Variants in MRPS27 observed in about 807,000 individuals in gnomAD.
MRPS27 encodes the protein small ribosomal subunit protein mS27.
MRPS27 carries 43 observed loss-of-function variants against 48.9 expected under a neutral mutation model. The ratio of observed to expected loss-of-function variants is 0.88; its 90% CI spans 0.69 to 1.13. The LOEUF (loss-of-function observed/expected upper bound fraction) is 1.13. Among genes scored for constraint, MRPS27 ranks in the 50% most tolerant of loss-of-function variants. The pLI is 0.00. For missense variants in MRPS27, 467 were observed against 476.3 expected (o/e 0.98, Z 0.18); for synonymous variants, 188 against 171.9 (o/e 1.09, Z -0.73).
chr5:72,248,154 C>T (rs1580068672), intron 4 of MRPS27, among the ~76,000 whole-genome samples: 1 of 152,152 alleles, frequency 6.6e-6, no homozygotes, highest in East Asian at 1.9e-4. Context: ...TCAAGCTAGT[C>T]TCTCATACCA....
rs374522059 is a variant in MRPS27 at position 72,297,741 on chromosome 5, T to C, written c.152-39A>G. The C allele has an allele frequency of 1.1e-4, 154 of 1,371,766 alleles. 1 individual carries two copies. The African/African-American group carries it at 2.1e-3, about 18-fold the overall frequency. 85.0% of individuals were successfully genotyped at this position (1,371,766 alleles called of 1,614,324 possible). On this transcript the variant is annotated intron_variant, in intron 2 of 10. Coordinates refer to ENST00000261413, the MANE Select transcript of MRPS27 (RefSeq NM_015084.3). ...AAAAGAAAAAAAACCTTGTTAAAGATACATATTTTTTTACAATTCTTGCCA... is the reference window on the plus strand; with the variant it reads ...AAAAGAAAAAAAACCTTGTTAAAGACACATATTTTTTTACAATTCTTGCCA...
rs114892794 is a variant in MRPS27, at chr5:72,287,601, C to T, written c.281+7930G>A. On this transcript the variant is annotated intron_variant, in intron 4 of 10. Coordinates refer to ENST00000261413, the MANE Select transcript of MRPS27 (RefSeq NM_015084.3). ...CTGCAGTGAGCCAAGATCGTGCTAC[C>T]GCACTCCAGCCTGCATGACAGAGAC... is the stretch of plus-strand genomic sequence containing the variant. Among the ~76,000 whole-genome samples, 623 of 152,228 alleles carry T rather than the reference C, an allele frequency of 4.1e-3. 5 individuals carry two copies. The highest frequency in any genetic ancestry group is 0.014 in the African/African-American group (602 of 41,544).
At chr5:72,231,759 G>A (rs1392773783) in intron 7 of MRPS27, among the ~76,000 whole-genome samples, 1 of 152,134 alleles carries the variant, frequency 6.6e-6, no homozygotes, top group Admixed American at 6.5e-5. Context: ...GTTAAGGGCA[G>A]ATGGCAGAGG....
chr5:72,275,546 G>T (rs1219185754), intron 4 of MRPS27, among the ~76,000 whole-genome samples: 1 of 152,096 alleles, frequency 6.6e-6, no homozygotes, highest in Non-Finnish European at 1.5e-5. Context: ...AATTCATATG[G>T]AACCCAAAAA....
intron 4 of MRPS27, among the ~76,000 whole-genome samples, chr5:72,294,267 T>C (rs1749918213): frequency 6.6e-6 from 1 of 151,194 alleles, no homozygotes; most frequent in South Asian, 2.1e-4. Flanking sequence ...TACAGTAAGC[T>C]TTAAAAAATG....
intron 2 of MRPS27, among the ~76,000 whole-genome samples, chr5:72,304,354 T>C (rs1169253189): frequency 6.6e-6 from 1 of 152,154 alleles, no homozygotes; most frequent in East Asian, 1.9e-4. Context: ...CCAATTATAT[T>C]GGTAATCATG....
At chr5:72,235,919 G>A (rs1211773843) in intron 5 of MRPS27, among the ~76,000 whole-genome samples, 2 of 152,128 alleles carry the variant, frequency 1.3e-5, no homozygotes, top group East Asian at 1.9e-4. Context: ...TAGGATTTAT[G>A]GCCCTTGGTT....
intron 2 of MRPS27, chr5:72,308,047 A>C (rs1317577672): frequency 6.6e-6 from 1 of 152,202 alleles, no homozygotes; most frequent in Non-Finnish European, 1.5e-5. Flanking sequence ...GGCTGCTGAG[A>C]GCGCGGAACG....
At position 72,281,202 on chromosome 5, in the gene MRPS27, A is replaced by G. The variant is rs547197975; in HGVS notation, c.281+14329T>C. Among the ~76,000 whole-genome samples, 4 of 152,342 alleles carry G rather than the reference A, an allele frequency of 2.6e-5. No homozygotes were observed. In the South Asian group the frequency reaches 8.3e-4, roughly 32 times the overall value. ...GATGTTACAATCTAGTATAGTCAAC[A>G]TTAAAGCTAAATTTTATTGAGCACT... On this transcript the variant is annotated intron_variant, in intron 4 of 10. Coordinates refer to ENST00000261413, the MANE Select transcript of MRPS27 (RefSeq NM_015084.3).
intron 2 of MRPS27, among the ~76,000 whole-genome samples, chr5:72,299,386 C>A (rs1750071516): frequency 6.6e-6 from 1 of 151,306 alleles, no homozygotes. Flanking sequence ...TGGAAGGAGA[C>A]ACAAGCAAGT....
chr5:72,221,549 A>C (rs1747742261), intron 10 of MRPS27, among the ~76,000 whole-genome samples: 2 of 152,206 alleles, frequency 1.3e-5, no homozygotes, highest in South Asian at 4.1e-4. Context: ...TAACAAATCT[A>C]TGTTTCCACC....
At chr5:72,309,475 G>A (rs1189677442) in intron 2 of MRPS27, among the ~76,000 whole-genome samples, 6 of 152,090 alleles carry the variant, frequency 3.9e-5, no homozygotes, top group Non-Finnish European at 8.8e-5. Context: ...TGTTGTCCAG[G>A]CTGGTCTTGA....
In MRPS27 at chr5:72,284,429, T is replaced by TA. The variant is rs780830271; in HGVS notation, c.281+11101dup. On this transcript the variant is annotated intron_variant, in intron 4 of 10. Coordinates refer to ENST00000261413, the MANE Select transcript of MRPS27 (RefSeq NM_015084.3). ...ACAGAGTGAGACCCTGTCTTTAAAT[T>TA]AAAAAAAAAAAAAAAATTTGGTTAA... Among the ~76,000 whole-genome samples the TA allele has an allele frequency of 7.6e-3, 1,029 of 135,074 alleles. 15 individuals carry two copies. Among genetic ancestry groups the TA allele is most frequent in the African/African-American group, 0.023 (834 of 36,762 alleles). The allele number at this position is 135,074 out of a possible 152,430, so 88.6% of individuals were successfully genotyped here. A position where few individuals can be genotyped will look rare whatever the true frequency, so the allele number is the denominator to read the frequency against.
intron 1 of MRPS27, chr5:72,314,790 C>T (rs574030377): frequency 6.6e-6 from 1 of 152,326 alleles, no homozygotes; most frequent in African/African-American, 2.4e-5. Flanking sequence ...CCTAGAACAC[C>T]TTCTTAGAAC....
intron 4 of MRPS27, among the ~76,000 whole-genome samples, chr5:72,256,943 T>C (rs1042139424): frequency 2.0e-5 from 3 of 152,180 alleles, no homozygotes; most frequent in Admixed American, 6.5e-5. Context: ...AGACGTGCCA[T>C]TCTTAGTAAG....
At chr5:72,238,338 A>T (rs1426182185) in intron 4 of MRPS27, among the ~76,000 whole-genome samples, 1 of 152,146 alleles carries the variant, frequency 6.6e-6, no homozygotes, top group Non-Finnish European at 1.5e-5. Flanking sequence ...ATAACAAAAA[A>T]TTTTACAAAA....
At chr5:72,286,737 T>G (rs558326595) in intron 4 of MRPS27, among the ~76,000 whole-genome samples, 29 of 152,242 alleles carry the variant, frequency 1.9e-4, no homozygotes, top group Non-Finnish European at 2.9e-4. Context: ...TGCTGTTAGC[T>G]GAGCTGTCCT....
chr5:72,225,730 C>A (rs999208937), intron 9 of MRPS27, among the ~76,000 whole-genome samples: 1 of 151,906 alleles, frequency 6.6e-6, no homozygotes, highest in Non-Finnish European at 1.5e-5. Context: ...TACAAAAACA[C>A]CAAACATATT....
chr5:72,274,703 T>C (rs1187792332), intron 4 of MRPS27, among the ~76,000 whole-genome samples: 2 of 152,246 alleles, frequency 1.3e-5, no homozygotes, highest in African/African-American at 2.4e-5. Flanking sequence ...GCTATGCTTT[T>C]ATATGAGTGG....
Sources: allele counts gnomAD v4.1 joint callset (sites outside exome capture counted in the v4.1 genomes callset), GRCh38; gene constraint gnomAD v4.1.1; transcripts MANE v1.5; gene names NCBI Gene and HGNC (gene_info 2026-07-23, HGNC 2026-07-21).